The following ZRANB1 variants were observed in gnomAD, a reference collection of about 807,000 sequenced individuals.
ZRANB1 encodes the protein ubiquitin thioesterase ZRANB1.
Under a neutral mutation model 80.5 loss-of-function variants are expected in ZRANB1, and 16 were observed. The ratio of observed to expected loss-of-function variants is 0.20; its 90% CI spans 0.13 to 0.30. The LOEUF (loss-of-function observed/expected upper bound fraction) is 0.30, where lower values mean the gene tolerates loss of function less well. Ranked by LOEUF, ZRANB1 falls within the 10% of genes least tolerant of loss-of-function variation. The pLI is 1.00. For synonymous variants in ZRANB1, 291 were observed against 293.1 expected (o/e 0.99, Z 0.07); for missense variants, 576 against 862.6 (o/e 0.67, Z 4.16).
chr10:124,966,734 G>T lies in ZRANB1; in HGVS notation c.955G>T (p.Ala319Ser), dbSNP rs1465404816. 1.9e-6 allele frequency: 3 copies of T among 1,613,932 alleles called. No homozygotes were observed. Among genetic ancestry groups the T allele is most frequent in the Non-Finnish European group, 2.5e-6 (3 of 1,179,984 alleles). ...FDVGYTLVHL[A>S]IRFQRQDMLA... ...TGTTGGCTATACTCTTGTACACTTG[G>T]CTATACGTTTTCAGAGGCAGGATAT... Residue 319 changes from alanine to serine, a missense_variant, in exon 2 of 9, where the codon GCT becomes TCT. Ala to Ser is a moderately conservative substitution (Grantham distance 99, BLOSUM62 1). This residue lies in a region of ZRANB1 where 411 missense variants were observed against 583.1 expected (regional missense o/e 0.70). Coordinates refer to ENST00000359653, the MANE Select transcript of ZRANB1 (RefSeq NM_017580.3).
intron 1 of ZRANB1, among the ~76,000 whole-genome samples, chr10:124,946,122 TA>T (rs767515862): frequency 4.5e-4 from 68 of 152,210 alleles, no homozygotes; most frequent in Non-Finnish European, 8.2e-4. Context: ...GAGTTCAATT[TA>T]AAAGTGGAAC....
At chr10:124,918,879 A>G in the ZRANB1 span, among the ~76,000 whole-genome samples, 2 of 152,186 alleles carry the variant, frequency 1.3e-5, no homozygotes, top group African/African-American at 4.8e-5. Context: ...AGATAGTAGG[A>G]CAGTAATGAC....
At chr10:124,960,731 A>G (rs1951726351) in intron 1 of ZRANB1, among the ~76,000 whole-genome samples, 1 of 151,778 alleles carries the variant, frequency 6.6e-6, no homozygotes, top group South Asian at 2.1e-4. Context: ...TCCCATTTCC[A>G]CTTTTAAAAT....
Position 124,981,744 on chromosome 10 carries a change from A to G in ZRANB1, c.1463A>G (p.Tyr488Cys). The change falls in exon 6 of 9, where the codon TAT (tyrosine) becomes TGT (cysteine). Residue 488 changes from tyrosine to cysteine, a missense_variant. By Grantham distance (194) the Tyr-to-Cys change is radical. Around this residue, in one of 3 missense-constraint regions of ZRANB1, gnomAD observed 13 missense variants for 57.6 expected, o/e 0.23. Coordinates refer to ENST00000359653, the MANE Select transcript of ZRANB1 (RefSeq NM_017580.3). ...CGCTGGAAAGATTGGGAATCATGGT[A>G]TTCTCAGAGCTTTGGTTTACATTTT... ...YTRWKDWESWYSQSFGLHFSL... is the reference protein window; with the variant it reads ...YTRWKDWESWCSQSFGLHFSL... 1 of 1,613,662 alleles carries G rather than the reference A, an allele frequency of 6.2e-7. No homozygotes were observed. The highest frequency in any genetic ancestry group is 8.5e-7 in the Non-Finnish European group (1 of 1,179,832).
At chr10:124,939,837 A>G (rs1274313257), upstream of ZRANB1, among the ~76,000 whole-genome samples, 3 of 152,094 alleles carry the variant, frequency 2.0e-5, no homozygotes, top group South Asian at 6.2e-4. Context: ...TGTATTGTCT[A>G]CTTTCTGGAT....
Position 124,986,718 on chromosome 10 carries a change from C to T in ZRANB1, c.*1726C>T, listed in dbSNP as rs1466106688. The T allele has an allele frequency of 3.3e-5, 5 of 152,182 alleles. No individual in the cohort carries two copies. Among genetic ancestry groups the T allele is most frequent in the Admixed American group, 3.3e-4 (5 of 15,280 alleles). 9.4% of individuals were successfully genotyped at this position (152,182 alleles called of 1,614,324 possible). On this transcript the variant is annotated 3_prime_UTR_variant, in exon 9 of 9. Coordinates refer to ENST00000359653, the MANE Select transcript of ZRANB1 (RefSeq NM_017580.3). ...TTTGTAGAAAATGTTAGCATTCTGA[C>T]TACTTAGCATCTGTAGTAATTTCTC... is the stretch of plus-strand genomic sequence containing the variant.
upstream of ZRANB1, chr10:124,940,489 C>A: frequency 7.8e-7 from 1 of 1,287,744 alleles, no homozygotes; most frequent in Non-Finnish European, 1.0e-6. Flanking sequence ...ATTTGCAAAC[C>A]GTACTTTTAT....
chr10:124,951,855 G>A (rs1951641443), intron 1 of ZRANB1, among the ~76,000 whole-genome samples: 1 of 152,070 alleles, frequency 6.6e-6, no homozygotes. Context: ...TACTTGGGAG[G>A]CTGAGGCAGA....
chr10:124,983,701 TC>T lies in ZRANB1; in HGVS notation c.1908+15del. 6.4e-7 allele frequency: 1 copy of T among 1,553,236 alleles called. No individual in the cohort carries two copies. Reference sequence around the variant, plus strand: ...TTCTGCTCAGGAGGTAAGCAGTTTCTCCTATGAACTATTTCTAGTAGTGACC... The same window carrying T: ...TTCTGCTCAGGAGGTAAGCAGTTTCTCTATGAACTATTTCTAGTAGTGACC... On this transcript the variant is annotated intron_variant, in intron 8 of 8. Transcript: ENST00000359653. The surrounding 1 kb of genome is among the most constrained non-coding windows in gnomAD (Gnocchi z 6.2).
At chr10:124,981,408 TTG>T in intron 5 of ZRANB1, 4 of 190,918 alleles carry the variant, frequency 2.1e-5, no homozygotes, top group Non-Finnish European at 4.2e-5. Context: ...TTTTTTTTTT[TTG>T]TAAACTAATT....
the ZRANB1 span, among the ~76,000 whole-genome samples, chr10:124,937,039 A>G: frequency 1.3e-5 from 2 of 151,822 alleles, no homozygotes; most frequent in Non-Finnish European, 2.9e-5. Context: ...ACTACAACCT[A>G]CACCTCCCAG....
In ZRANB1 at chr10:124,973,142, T is replaced by A. The variant is rs571526405; in HGVS notation, c.1157-503T>A. On this transcript the variant is annotated intron_variant, in intron 3 of 8. Transcript: ENST00000359653. ...GCTTACCCCAGAATGATTAGATTTT[T>A]AAAAATTTATTTTTTATTTTTATTT... Among the ~76,000 whole-genome samples, 344 of 152,294 alleles carry A rather than the reference T, an allele frequency of 2.3e-3. 3 individuals carry two copies. The highest frequency in any genetic ancestry group is 8.0e-3 in the African/African-American group (334 of 41,572).
At chr10:124,975,857 C>A (rs1951872397) in intron 5 of ZRANB1, among the ~76,000 whole-genome samples, 1 of 152,058 alleles carries the variant, frequency 6.6e-6, no homozygotes, top group African/African-American at 2.4e-5. Flanking sequence ...CAAAAATTAG[C>A]CAGGTGTGGT....
intron 1 of ZRANB1, among the ~76,000 whole-genome samples, chr10:124,959,270 G>C (rs909560849): frequency 6.6e-6 from 1 of 152,114 alleles, no homozygotes; most frequent in Non-Finnish European, 1.5e-5. Context: ...AGAATTTTAT[G>C]TGTTAAAAAT....
At chr10:124,920,075 A>G in the ZRANB1 span, among the ~76,000 whole-genome samples, 1 of 151,486 alleles carries the variant, frequency 6.6e-6, no homozygotes, top group Non-Finnish European at 1.5e-5. Flanking sequence ...GGCGCGTGCC[A>G]CCACGCCTGG....
At chr10:124,939,181 A>G (rs143885956), upstream of ZRANB1, among the ~76,000 whole-genome samples, 880 of 151,534 alleles carry the variant, frequency 5.8e-3, 6 homozygotes, top group African/African-American at 0.018. Flanking sequence ...CTCAACAACA[A>G]CAAAAATCGT....
chr10:124,923,159 C>T, the ZRANB1 span, among the ~76,000 whole-genome samples: 2 of 151,974 alleles, frequency 1.3e-5, no homozygotes, highest in African/African-American at 4.8e-5. Context: ...TGGTGGTGCA[C>T]ACCTGTAGTC....
At chr10:124,923,256 C>T in the ZRANB1 span, among the ~76,000 whole-genome samples, 8,336 of 151,408 alleles carry the variant, frequency 0.055, 824 homozygotes, top group African/African-American at 0.19. Flanking sequence ...CCAGCCTGGG[C>T]GACAGAGCAA....
intron 1 of ZRANB1, among the ~76,000 whole-genome samples, chr10:124,959,148 A>G (rs1413023300): frequency 6.6e-6 from 1 of 152,232 alleles, no homozygotes; most frequent in Non-Finnish European, 1.5e-5. Context: ...GAGGAAGTAC[A>G]GGGTCCTAGA....
Sources: gnomAD v4.1 joint callset for allele counts (sites outside exome capture counted in the v4.1 genomes callset) on GRCh38, gnomAD v4.1.1 for gene constraint, gnomAD v4.1.1 regional missense constraint, Gnocchi (gnomAD v3.1) non-coding constraint, MANE v1.5 for transcripts, NCBI Gene and HGNC (gene_info 2026-07-23, HGNC 2026-07-21) for gene names.